DGKB: variants seen among roughly 807,000 people sequenced by gnomAD.
DGKB encodes diacylglycerol kinase beta, also known as 90 kDa diacylglycerol kinase.
A neutral mutation model predicts 114.3 loss-of-function variants in DGKB; 67 were observed. That is an observed-to-expected ratio of 0.59 (90% CI 0.48 to 0.72). The LOEUF is 0.72. Among genes scored for constraint, DGKB ranks in the 30% least tolerant of loss-of-function variants. DGKB has a pLI of 0.00. For synonymous variants in DGKB, 398 were observed against 323.1 expected (o/e 1.23, Z -2.49); for missense variants, 907 against 975.2 (o/e 0.93, Z 0.93).
At chr7:14,968,754 A>G (rs138434481) in intron 1 of DGKB, among the ~76,000 whole-genome samples, 5 of 152,298 alleles carry the variant, frequency 3.3e-5, no homozygotes, top group East Asian at 1.9e-4. Flanking sequence ...GCAAAATGTG[A>G]TATTTCTCTT....
At chr7:14,400,183 A>T (rs1031169369) in intron 21 of DGKB, among the ~76,000 whole-genome samples, 1 of 151,820 alleles carries the variant, frequency 6.6e-6, no homozygotes. Flanking sequence ...CCATGATTTC[A>T]TTTCCTTGTG....
intron 23 of DGKB, among the ~76,000 whole-genome samples, chr7:14,283,845 C>A (rs1488389208): frequency 6.6e-6 from 1 of 151,934 alleles, no homozygotes; most frequent in Admixed American, 6.6e-5. Flanking sequence ...CTTCCTTACA[C>A]CTTATACAAA....
intron 2 of DGKB, among the ~76,000 whole-genome samples, chr7:14,830,308 C>T (rs973664959): frequency 6.6e-6 from 1 of 152,010 alleles, no homozygotes; most frequent in Non-Finnish European, 1.5e-5. Flanking sequence ...TCATTACAGA[C>T]TTCCTCTTTG....
chr7:14,570,694 T>C (rs991444861), intron 20 of DGKB, among the ~76,000 whole-genome samples: 1 of 152,124 alleles, frequency 6.6e-6, no homozygotes, highest in African/African-American at 2.4e-5. Flanking sequence ...TTTATCTTCA[T>C]CATCTTCAGA....
At chr7:14,552,470 A>AT (rs1369377394) in intron 20 of DGKB, among the ~76,000 whole-genome samples, 1 of 152,180 alleles carries the variant, frequency 6.6e-6, no homozygotes, top group Non-Finnish European at 1.5e-5. Context: ...TAAAGAGTAT[A>AT]TTTTGCAAAT....
intron 1 of DGKB, among the ~76,000 whole-genome samples, chr7:14,960,031 T>G (rs1786749011): frequency 6.6e-6 from 1 of 152,180 alleles, no homozygotes; most frequent in South Asian, 2.1e-4. Context: ...GGAAGACAAC[T>G]TCATCGTCAG....
intron 15 of DGKB, among the ~76,000 whole-genome samples, chr7:14,618,881 A>T (rs188870267): frequency 2.6e-4 from 39 of 151,452 alleles, no homozygotes; most frequent in Admixed American, 5.9e-4. Flanking sequence ...CTTTTTAATG[A>T]TACATACTTT....
rs1240207503 is a variant in DGKB at position 14,821,535 on chromosome 7, A to G, written c.70+19659T>C. ...GTGAAAAGGAAGCTTGGGAAAAATA[A>G]AAATAAAAATATATTCAGAAAAAGG... On this transcript the variant is annotated intron_variant, in intron 2 of 25. Coordinates refer to ENST00000402815, the MANE Select transcript of DGKB (RefSeq NM_001350709.2). Among the ~76,000 whole-genome samples, 8 of 152,182 alleles carry G rather than the reference A, an allele frequency of 5.3e-5. No homozygotes were observed. The South Asian group carries it at 1.4e-3, about 28-fold the overall frequency.
chr7:14,710,458 T>A (rs1344293281), intron 6 of DGKB, among the ~76,000 whole-genome samples: 2 of 152,038 alleles, frequency 1.3e-5, no homozygotes, highest in South Asian at 4.1e-4. Flanking sequence ...TTCAATTTCT[T>A]CTTTCCCATT....
At chr7:14,753,511 A>G (rs1723228) in intron 4 of DGKB, among the ~76,000 whole-genome samples, 53,929 of 151,814 alleles carry the variant, frequency 0.36, 13,217 homozygotes, top group African/African-American at 0.69. Context: ...TAGACAAAAC[A>G]AAACAAAACA....
At chr7:14,822,879 C>T (rs1845138553) in intron 2 of DGKB, among the ~76,000 whole-genome samples, 1 of 152,086 alleles carries the variant, frequency 6.6e-6, no homozygotes, top group Non-Finnish European at 1.5e-5. Flanking sequence ...TCTATTTCTA[C>T]TTACCTTGTT....
chr7:14,454,468 T>C (rs1393454067), intron 21 of DGKB, among the ~76,000 whole-genome samples: 2 of 152,124 alleles, frequency 1.3e-5, no homozygotes, highest in South Asian at 4.1e-4. Context: ...TCTGTGAGAT[T>C]GTCTTAAGAA....
chr7:14,215,909 G>C (rs889433312), intron 23 of DGKB, among the ~76,000 whole-genome samples: 13 of 152,252 alleles, frequency 8.5e-5, no homozygotes, highest in African/African-American at 2.6e-4. Flanking sequence ...CTCTCTGTAT[G>C]TTTGCCACTT....
At chr7:14,503,748 A>T (rs1231242561) in intron 20 of DGKB, among the ~76,000 whole-genome samples, 1 of 152,150 alleles carries the variant, frequency 6.6e-6, no homozygotes, top group Non-Finnish European at 1.5e-5. Context: ...TGCTTTAGAC[A>T]ATAGGGATGT....
intron 21 of DGKB, among the ~76,000 whole-genome samples, chr7:14,383,201 T>C (rs1437849910): frequency 2.6e-5 from 4 of 152,170 alleles, no homozygotes; most frequent in African/African-American, 9.7e-5. Context: ...TCTGAGGAGA[T>C]CACCGGGTCT....
chr7:14,470,308 T>G (rs980343771), intron 21 of DGKB, among the ~76,000 whole-genome samples: 1 of 151,924 alleles, frequency 6.6e-6, no homozygotes, highest in Non-Finnish European at 1.5e-5. Flanking sequence ...GTTTACCTAG[T>G]TGGCTAATAA....
intron 1 of DGKB, among the ~76,000 whole-genome samples, chr7:14,973,352 T>A (rs779980923): frequency 3.8e-4 from 57 of 151,812 alleles, no homozygotes; most frequent in Non-Finnish European, 6.8e-4. Flanking sequence ...ACAGTCAGTA[T>A]AAGTTAGAAA....
chr7:14,185,794 C>T (rs2128258390), intron 23 of DGKB, among the ~76,000 whole-genome samples: 1 of 152,228 alleles, frequency 6.6e-6, no homozygotes, highest in Admixed American at 6.5e-5. Context: ...ACAAATGGTG[C>T]TGGGATAATT....
At chr7:14,206,379 T>C (rs1404981524) in intron 23 of DGKB, among the ~76,000 whole-genome samples, 5 of 152,048 alleles carry the variant, frequency 3.3e-5, no homozygotes, top group Admixed American at 6.6e-5. Flanking sequence ...GAGGTGATGG[T>C]GGTTTCAGGA....
Sources: allele counts gnomAD v4.1 joint callset (sites outside exome capture counted in the v4.1 genomes callset), GRCh38; gene constraint gnomAD v4.1.1; transcripts MANE v1.5; gene names NCBI Gene and HGNC (gene_info 2026-07-23, HGNC 2026-07-21).